Variants in OSBPL3 observed in about 807,000 individuals in gnomAD.
OSBPL3 encodes the protein oxysterol binding protein like 3.
Under a neutral mutation model 120.1 loss-of-function variants are expected in OSBPL3, and 65 were observed. That is an observed-to-expected ratio of 0.54 (90% CI 0.44 to 0.67). OSBPL3 has a LOEUF of 0.67. OSBPL3 is among the 30% of genes least tolerant of loss of function. The probability of loss-of-function intolerance (pLI) is 0.00; values close to 1 mark genes in which losing one functional copy is unlikely to be tolerated. For missense variants in OSBPL3, 1,004 were observed against 1,082.1 expected (o/e 0.93, Z 1.01); for synonymous variants, 416 against 402.6 (o/e 1.03, Z -0.40).
chr7:24,961,312 GGA>G (rs1815709234), intron 1 of OSBPL3, among the ~76,000 whole-genome samples: 1 of 152,148 alleles, frequency 6.6e-6, no homozygotes, highest in African/African-American at 2.4e-5. Flanking sequence ...TAGGATCAGG[GGA>G]GAGAGGCTCA....
intron 1 of OSBPL3, among the ~76,000 whole-genome samples, chr7:24,929,903 T>C (rs909411621): frequency 6.6e-6 from 1 of 152,232 alleles, no homozygotes; most frequent in African/African-American, 2.4e-5. Context: ...GCTGTATGCT[T>C]ATACAATATC....
At chr7:24,980,491 G>C (rs972578017), upstream of OSBPL3, among the ~76,000 whole-genome samples, 1 of 152,038 alleles carries the variant, frequency 6.6e-6, no homozygotes, top group African/African-American at 2.4e-5. Flanking sequence ...GCCTGCGCGC[G>C]GTAGGCGTTC....
rs1816193223 is a variant in OSBPL3 at position 24,964,823 on chromosome 7, A to G, written c.-150+15063T>C. Among the ~76,000 whole-genome samples the G allele has an allele frequency of 6.6e-6, 1 of 152,202 alleles. No individual in the cohort carries two copies. ...TGTACTATCTTCACATCTTTTCTCT[A>G]CCTCTAAAACTATTCTAAACTTAAA... On this transcript the variant is annotated intron_variant, in intron 1 of 22. Transcript: ENST00000313367. This position sits in a 1 kb window ranked among gnomAD's most constrained non-coding sequence, Gnocchi z 4.2.
intron 1 of OSBPL3, among the ~76,000 whole-genome samples, chr7:24,917,308 T>C (rs1301273588): frequency 1.3e-5 from 2 of 150,860 alleles, no homozygotes; most frequent in Admixed American, 6.6e-5. Flanking sequence ...TCAGGCACCA[T>C]ACAGACTGCG....
chr7:24,863,145 G>A lies in OSBPL3; in HGVS notation c.870+55C>T. ...GAGTCAAGGTAGCTGCTGGCACACG[G>A]CATGCAGAGCAGGGCCAATGAAGAA... On this transcript the variant is annotated intron_variant, in intron 9 of 22. Transcript: ENST00000313367. This position sits in a 1 kb window ranked among gnomAD's most constrained non-coding sequence, Gnocchi z 5.8. 2 of 1,266,854 alleles carry A rather than the reference G, an allele frequency of 1.6e-6. No homozygotes were observed. Among genetic ancestry groups the A allele is most frequent in the Non-Finnish European group, 2.3e-6 (2 of 863,282 alleles). 78.5% of individuals were successfully genotyped at this position (1,266,854 alleles called of 1,614,324 possible).
At chr7:24,911,286 C>T (rs767483250) in intron 1 of OSBPL3, among the ~76,000 whole-genome samples, 1 of 152,182 alleles carries the variant, frequency 6.6e-6, no homozygotes, top group Non-Finnish European at 1.5e-5. Flanking sequence ...GGTGTTATTA[C>T]GCTCCCTTAA....
intron 1 of OSBPL3, among the ~76,000 whole-genome samples, chr7:24,957,469 G>T (rs1414226735): frequency 6.6e-6 from 1 of 152,152 alleles, no homozygotes; most frequent in Non-Finnish European, 1.5e-5. Context: ...GATCATGGTG[G>T]TAATAGGGTA....
At chr7:24,800,863 C>T (rs1392742935) in intron 22 of OSBPL3, among the ~76,000 whole-genome samples, 1 of 151,728 alleles carries the variant, frequency 6.6e-6, no homozygotes, top group Admixed American at 6.6e-5. Flanking sequence ...ACATAACTTG[C>T]ATGACTGTCA....
intron 1 of OSBPL3, among the ~76,000 whole-genome samples, chr7:24,917,489 T>C (rs1809849972): frequency 7.8e-6 from 1 of 128,206 alleles, no homozygotes; most frequent in Non-Finnish European, 1.6e-5. Context: ...ACACACACAC[T>C]TAAACAGGGA....
At position 24,863,615 on chromosome 7, in the gene OSBPL3, G is replaced by C. The variant is rs763625331; in HGVS notation, c.674-16C>G. 1 of 1,539,958 alleles carries C rather than the reference G, an allele frequency of 6.5e-7. No individual in the cohort carries two copies. The highest frequency in any genetic ancestry group is 1.4e-5 in the African/African-American group (1 of 73,524). On this transcript the variant is annotated splice_polypyrimidine_tract_variant and intron_variant, in intron 7 of 22. Transcript: ENST00000313367. The surrounding 1 kb of genome is among the most constrained non-coding windows in gnomAD (Gnocchi z 5.8). ...TGCGCCAGGTCTGTGGGGGAAAAGA[G>C]GACAGTGCTCACAATGCTCCACTAG...
intron 1 of OSBPL3, among the ~76,000 whole-genome samples, chr7:24,945,027 T>C (rs184705598): frequency 4.3e-4 from 65 of 152,336 alleles, no homozygotes; most frequent in Admixed American, 2.0e-3. Context: ...CCAGGTCCTT[T>C]GGTGGCAAAC....
chr7:24,950,723 A>AAAAAC (rs1248285863), intron 1 of OSBPL3, among the ~76,000 whole-genome samples: 2 of 152,246 alleles, frequency 1.3e-5, no homozygotes, highest in East Asian at 1.9e-4. Context: ...CTCCGTCTCA[A>AAAAAC]AAAACAAAAC....
In OSBPL3 at chr7:24,979,877, G is replaced by C. The variant is rs904763628; in HGVS notation, c.-150+9C>G. On this transcript the variant is annotated intron_variant, in intron 1 of 22. Transcript: ENST00000313367. The stretch of plus-strand genomic sequence containing the variant: ...CAGGCCCCATTTAGGCGGGCGCCCC[G>C]CCACTCACCTGAGCGCTGTGCAGCC... 4.3e-6 allele frequency: 4 copies of C among 923,932 alleles called. No homozygotes were observed. The highest frequency in any genetic ancestry group is 5.1e-6 in the Non-Finnish European group (4 of 785,214). 57.2% of individuals were successfully genotyped at this position (923,932 alleles called of 1,614,324 possible). A position where few individuals can be genotyped will look rare whatever the true frequency, so the allele number is the denominator to read the frequency against.
In OSBPL3 at chr7:24,800,004, A is replaced by G. The variant is rs1584147864; in HGVS notation, c.*179T>C. 3 of 387,048 alleles carry G rather than the reference A, an allele frequency of 7.8e-6. No homozygotes were observed. Among genetic ancestry groups the G allele is most frequent in the East Asian group, 8.0e-5 (2 of 25,074 alleles). The allele number at this position is 387,048 out of a possible 1,614,324, so 24.0% of individuals were successfully genotyped here. A position where few individuals can be genotyped will look rare whatever the true frequency, so the allele number is the denominator to read the frequency against. ...CTACATTCATATAAACAATCAGGGTAACATTTGAAATTGTAAAGAAACGCA... is the reference window on the plus strand; with the variant it reads ...CTACATTCATATAAACAATCAGGGTGACATTTGAAATTGTAAAGAAACGCA... On this transcript the variant is annotated 3_prime_UTR_variant, in exon 23 of 23. Coordinates refer to ENST00000313367, the MANE Select transcript of OSBPL3 (RefSeq NM_015550.4).
chr7:24,885,290 T>A (rs574607518), intron 2 of OSBPL3, among the ~76,000 whole-genome samples: 96 of 151,692 alleles, frequency 6.3e-4, no homozygotes, highest in African/African-American at 2.3e-3. Context: ...GCTGAAATGA[T>A]AAACACCTGG....
In OSBPL3 at chr7:24,841,087, T is replaced by C. The variant is rs1356211559; in HGVS notation, c.1402-304A>G. ...TTTTTAGAATTTATTAGTGTTTGAG[T>C]AGAAGAAGTTACAATTTGTCTTTGA... is the stretch of plus-strand genomic sequence containing the variant. On this transcript the variant is annotated intron_variant, in intron 13 of 22. Coordinates refer to ENST00000313367, the MANE Select transcript of OSBPL3 (RefSeq NM_015550.4). Among the ~76,000 whole-genome samples the C allele has an allele frequency of 2.0e-5, 3 of 152,218 alleles. No homozygotes were observed. In the East Asian group the frequency reaches 5.8e-4, roughly 29 times the overall value.
chr7:24,824,439 A>G lies in OSBPL3; in HGVS notation c.1885-4201T>C, dbSNP rs74699912. Among the ~76,000 whole-genome samples the G allele has an allele frequency of 0.11, 16,939 of 152,208 alleles. 1,237 individuals carry two copies. The highest frequency in any genetic ancestry group is 0.17 in the Non-Finnish European group (11,624 of 67,994). The stretch of plus-strand genomic sequence containing the variant: ...TTCAGATTTAGAAAAGTAGCCCTTC[A>G]GTACATCAGTTCTCCCCTGCAACTG... On this transcript the variant is annotated intron_variant, in intron 16 of 22. Transcript: ENST00000313367. The surrounding 1 kb of genome is among the most constrained non-coding windows in gnomAD (Gnocchi z 4.9).
chr7:24,814,831 T>C (rs928517664), intron 19 of OSBPL3, among the ~76,000 whole-genome samples: 4 of 152,190 alleles, frequency 2.6e-5, no homozygotes, highest in African/African-American at 9.7e-5. Flanking sequence ...TTTAAAAGGG[T>C]CTCTCTGGCT....
In OSBPL3 at chr7:24,817,934, AGAGGATCCCATCTGGCTGCTGCACT is replaced by A. The variant is rs1794667712; in HGVS notation, c.1949-1271_1949-1247del. Among the ~76,000 whole-genome samples, 1 of 152,206 alleles carries A rather than the reference AGAGGATCCCATCTGGCTGCTGCACT, an allele frequency of 6.6e-6. No homozygotes were observed. Among genetic ancestry groups the A allele is most frequent in the African/African-American group, 2.4e-5 (1 of 41,450 alleles). The stretch of plus-strand genomic sequence containing the variant: ...GCCAGGAAATAGAAAAAGAACAGCA[AGAGGATCCCATCTGGCTGCTGCACT>A]GAGGATCTACAGATCACAGGGAAAT... On this transcript the variant is annotated intron_variant, in intron 17 of 22. Coordinates refer to ENST00000313367, the MANE Select transcript of OSBPL3 (RefSeq NM_015550.4). This position sits in a 1 kb window ranked among gnomAD's most constrained non-coding sequence, Gnocchi z 4.0.
Sources: gnomAD v4.1 joint callset for allele counts (sites outside exome capture counted in the v4.1 genomes callset) on GRCh38, gnomAD v4.1.1 for gene constraint, Gnocchi (gnomAD v3.1) non-coding constraint, MANE v1.5 for transcripts, NCBI Gene and HGNC (gene_info 2026-07-23, HGNC 2026-07-21) for gene names.